The following FBXW11 variants were observed in gnomAD, a reference collection of about 807,000 sequenced individuals.
The protein encoded by FBXW11 is F-box/WD repeat-containing protein 11.
A neutral mutation model predicts 77.6 loss-of-function variants in FBXW11; 19 were observed. That is an observed-to-expected ratio of 0.24 (90% CI 0.17 to 0.36). The LOEUF (loss-of-function observed/expected upper bound fraction) is 0.36. Ranked by LOEUF, FBXW11 falls within the 10% of genes least tolerant of loss-of-function variation. FBXW11 has a pLI of 1.00. For synonymous variants in FBXW11, 235 were observed against 249.4 expected (o/e 0.94, Z 0.54); for missense variants, 334 against 704.2 (o/e 0.47, Z 5.95).
intron 1 of FBXW11, among the ~76,000 whole-genome samples, chr5:171,988,235 A>G (rs931138911): frequency 2.6e-5 from 4 of 152,170 alleles, no homozygotes; most frequent in African/African-American, 9.7e-5. Context: ...TCCTTACTAA[A>G]AAGAACCAGA....
chr5:171,977,744 A>C (rs1414634140), intron 1 of FBXW11: 1 of 357,736 alleles, frequency 2.8e-6, no homozygotes, highest in South Asian at 2.1e-5. Flanking sequence ...TTGTGCAGGG[A>C]AACTCCCCTT....
intron 2 of FBXW11, among the ~76,000 whole-genome samples, chr5:171,923,079 T>C (rs908172608): frequency 6.6e-6 from 1 of 152,118 alleles, no homozygotes; most frequent in African/African-American, 2.4e-5. Flanking sequence ...CATGCCCGGC[T>C]AATTTTGTAT....
At chr5:171,986,333 G>C (rs1483754658) in intron 1 of FBXW11, among the ~76,000 whole-genome samples, 1 of 151,860 alleles carries the variant, frequency 6.6e-6, no homozygotes, top group African/African-American at 2.4e-5. Context: ...ACTTGAACCT[G>C]GGAGGTGGAG....
chr5:171,889,524 T>A (rs1356705708), intron 7 of FBXW11, among the ~76,000 whole-genome samples: 2 of 26,456 alleles, frequency 7.6e-5, no homozygotes, highest in African/African-American at 9.7e-5. Flanking sequence ...TGAGACTCCA[T>A]CTCAAAAAAA....
At chr5:171,894,088 CA>C (rs141509538) in intron 6 of FBXW11, among the ~76,000 whole-genome samples, 2,400 of 152,180 alleles carry the variant, frequency 0.016, 53 homozygotes, top group African/African-American at 0.054. Context: ...TAACTGTACC[CA>C]AAACCCTGAA....
At chr5:171,882,971 T>C (rs1265780401) in intron 7 of FBXW11, among the ~76,000 whole-genome samples, 2 of 150,708 alleles carry the variant, frequency 1.3e-5, no homozygotes, top group South Asian at 4.3e-4. Context: ...CAAAGTCCAA[T>C]GCATCATTCT....
intron 9 of FBXW11, among the ~76,000 whole-genome samples, chr5:171,873,792 T>C (rs759067592): frequency 1.3e-5 from 2 of 152,230 alleles, no homozygotes; most frequent in African/African-American, 2.4e-5. Context: ...TAGATGTTCA[T>C]AGACAGCTAA....
intron 7 of FBXW11, among the ~76,000 whole-genome samples, chr5:171,881,464 G>T (rs541875948): frequency 6.6e-6 from 1 of 152,224 alleles, no homozygotes; most frequent in African/African-American, 2.4e-5. Flanking sequence ...ATCTATTGAC[G>T]TGATTTTCTT....
chr5:171,956,029 T>C (rs1394080404), intron 2 of FBXW11, among the ~76,000 whole-genome samples: 1 of 152,124 alleles, frequency 6.6e-6, no homozygotes, highest in Non-Finnish European at 1.5e-5. Context: ...CTGAATGCAA[T>C]AAAAAGAATC....
intron 10 of FBXW11, among the ~76,000 whole-genome samples, chr5:171,872,033 T>C (rs959624061): frequency 2.6e-5 from 4 of 152,214 alleles, no homozygotes; most frequent in African/African-American, 9.6e-5. Context: ...TTATGGTATC[T>C]TGAAGCCTAA....
chr5:171,919,295 C>A (rs1194333477), intron 2 of FBXW11, among the ~76,000 whole-genome samples: 1 of 152,166 alleles, frequency 6.6e-6, no homozygotes, highest in African/African-American at 2.4e-5. Context: ...CCAAGTAATT[C>A]TGATCTATCT....
intron 1 of FBXW11, among the ~76,000 whole-genome samples, chr5:171,974,488 C>T (rs1167021952): frequency 1.3e-5 from 2 of 150,942 alleles, no homozygotes; most frequent in East Asian, 1.9e-4. Flanking sequence ...ACAGGTAGCA[C>T]ATCAAACACA....
intron 2 of FBXW11, among the ~76,000 whole-genome samples, chr5:171,930,610 T>TA (rs1581217208): frequency 6.6e-6 from 1 of 151,922 alleles, no homozygotes; most frequent in Non-Finnish European, 1.5e-5. Context: ...GTCCTCTGCC[T>TA]AGGAAAACCA....
chr5:171,975,046 G>A (rs972208442), intron 1 of FBXW11, among the ~76,000 whole-genome samples: 12 of 151,918 alleles, frequency 7.9e-5, no homozygotes, highest in Non-Finnish European at 1.2e-4. Context: ...CACCCGCCTC[G>A]GCCTCCCAAA....
At chr5:171,927,519 A>G (rs1207967601) in intron 2 of FBXW11, among the ~76,000 whole-genome samples, 1 of 152,224 alleles carries the variant, frequency 6.6e-6, no homozygotes, top group East Asian at 1.9e-4. Context: ...AGTTTTTTTA[A>G]AAAGGAAAAA....
intron 2 of FBXW11, among the ~76,000 whole-genome samples, chr5:171,949,281 G>A (rs1347717641): frequency 6.6e-6 from 1 of 152,180 alleles, no homozygotes; most frequent in Non-Finnish European, 1.5e-5. Context: ...TGGACACAAG[G>A]AAGTGAAACA....
At chr5:171,994,700 T>C (rs1336393573) in intron 1 of FBXW11, among the ~76,000 whole-genome samples, 1 of 152,066 alleles carries the variant, frequency 6.6e-6, no homozygotes, top group Non-Finnish European at 1.5e-5. Context: ...ACTAGTACCA[T>C]TACTACCACC....
intron 6 of FBXW11, among the ~76,000 whole-genome samples, chr5:171,891,846 G>T (rs1759368846): frequency 6.6e-6 from 1 of 151,994 alleles, no homozygotes; most frequent in African/African-American, 2.4e-5. Flanking sequence ...TTTGGACTGG[G>T]CTTGAAAAAA....
At chr5:171,925,307 G>T (rs987898244) in intron 2 of FBXW11, among the ~76,000 whole-genome samples, 1 of 152,098 alleles carries the variant, frequency 6.6e-6, no homozygotes, top group African/African-American at 2.4e-5. Context: ...TTTTCAGTTT[G>T]CTTTCAATTC....
Sources: gnomAD v4.1 joint callset for allele counts (sites outside exome capture counted in the v4.1 genomes callset) on GRCh38, gnomAD v4.1.1 for gene constraint, MANE v1.5 for transcripts, NCBI Gene and HGNC (gene_info 2026-07-23, HGNC 2026-07-21) for gene names.